L3MBTL4: variants seen among roughly 807,000 people sequenced by gnomAD.
L3MBTL4 encodes the protein lethal(3)malignant brain tumor-like protein 4.
L3MBTL4 carries 70 observed loss-of-function variants against 84.5 expected under a neutral mutation model. The ratio of observed to expected loss-of-function variants is 0.83; its 90% CI spans 0.68 to 1.01. The LOEUF is 1.01. Ranked by LOEUF, L3MBTL4 falls within the 50% of genes least tolerant of loss-of-function variation. The pLI is 0.00. For missense variants in L3MBTL4, 715 were observed against 754.8 expected, an observed-to-expected ratio of 0.95 and a Z score of 0.62; for synonymous variants, 274 against 259.8, an observed-to-expected ratio of 1.05 and a Z score of -0.52.
intron 1 of L3MBTL4, among the ~76,000 whole-genome samples, chr18:6,406,139 C>T (rs114977930): frequency 0.025 from 3,767 of 152,242 alleles, 161 homozygotes; most frequent in African/African-American, 0.085. Flanking sequence ...GCTATGAAAA[C>T]AAAGGTTGAC....
At chr18:6,029,056 A>G (rs940553359) in intron 16 of L3MBTL4, among the ~76,000 whole-genome samples, 1 of 152,226 alleles carries the variant, frequency 6.6e-6, no homozygotes, top group African/African-American at 2.4e-5. Context: ...AAGAAACCTA[A>G]AAAGTGAAAG....
Position 6,071,683 on chromosome 18 carries a change from G to GAGAA in L3MBTL4, c.1444+9194_1444+9197dup, listed in dbSNP as rs200360798. On this transcript the variant is annotated intron_variant, in intron 16 of 18. Coordinates refer to ENST00000317931, the MANE Select transcript of L3MBTL4 (RefSeq NM_001330559.2). ...AAAGAAAGAAGGAAAAAAAGAAAGA[G>GAGAA]AGAAAGAAAGAAAGAAAGAAAGAAA... Among the ~76,000 whole-genome samples, 139 of 102,232 alleles carry GAGAA rather than the reference G, an allele frequency of 1.4e-3. 1 individual carries two copies. Among genetic ancestry groups the GAGAA allele is most frequent in the African/African-American group, 2.5e-3 (42 of 16,612 alleles). 67.1% of individuals were successfully genotyped at this position (102,232 alleles called of 152,430 possible). A position where few individuals can be genotyped will look rare whatever the true frequency, so the allele number is the denominator to read the frequency against.
At chr18:6,193,558 C>A (rs1258286644) in intron 12 of L3MBTL4, among the ~76,000 whole-genome samples, 1 of 152,232 alleles carries the variant, frequency 6.6e-6, no homozygotes, top group Non-Finnish European at 1.5e-5. Context: ...TCCAGAGGCA[C>A]AAGGCAAAGC....
chr18:6,230,656 G>A (rs532951471), intron 10 of L3MBTL4, among the ~76,000 whole-genome samples: 1 of 152,252 alleles, frequency 6.6e-6, no homozygotes, highest in South Asian at 2.1e-4. Context: ...AGTTCTTTGA[G>A]AAATCACTAC....
chr18:6,045,881 T>C (rs1214190584), intron 16 of L3MBTL4, among the ~76,000 whole-genome samples: 1 of 152,166 alleles, frequency 6.6e-6, no homozygotes, highest in Non-Finnish European at 1.5e-5. Context: ...AAATCTCATA[T>C]ATCAACATTA....
chr18:6,184,013 T>C (rs191888696), intron 12 of L3MBTL4, among the ~76,000 whole-genome samples: 26 of 152,326 alleles, frequency 1.7e-4, no homozygotes, highest in Non-Finnish European at 1.3e-4. Flanking sequence ...TATGATATAG[T>C]GCCTGCACAA....
chr18:6,284,488 G>A (rs995330270), intron 4 of L3MBTL4, among the ~76,000 whole-genome samples: 5 of 152,214 alleles, frequency 3.3e-5, no homozygotes, highest in African/African-American at 1.2e-4. Flanking sequence ...CCGCAGCTCA[G>A]CTCAGCCGGG....
intron 16 of L3MBTL4, among the ~76,000 whole-genome samples, chr18:6,013,981 A>T (rs2054849273): frequency 6.6e-6 from 1 of 152,188 alleles, no homozygotes; most frequent in Admixed American, 6.5e-5. Context: ...CAGCCTGGGA[A>T]GTGGTCTGTG....
At chr18:6,073,203 G>A (rs529191398) in intron 16 of L3MBTL4, among the ~76,000 whole-genome samples, 5 of 150,340 alleles carry the variant, frequency 3.3e-5, no homozygotes, top group Admixed American at 2.7e-4. Context: ...GAGAGAAAAC[G>A]CACAAGCACA....
At chr18:6,119,844 GAGA>G (rs549589815) in intron 14 of L3MBTL4, among the ~76,000 whole-genome samples, 171 of 152,284 alleles carry the variant, frequency 1.1e-3, no homozygotes, top group African/African-American at 3.8e-3. Context: ...CTGGGAATAG[GAGA>G]AAGAGTATCA....
chr18:6,008,007 A>G (rs1322357869), intron 16 of L3MBTL4, among the ~76,000 whole-genome samples: 2 of 152,216 alleles, frequency 1.3e-5, no homozygotes, highest in Non-Finnish European at 2.9e-5. Flanking sequence ...TTCAAAAATC[A>G]AATTAAAAAG....
chr18:6,263,252 A>T (rs2048484858), intron 5 of L3MBTL4, among the ~76,000 whole-genome samples: 1 of 149,946 alleles, frequency 6.7e-6, no homozygotes, highest in Non-Finnish European at 1.5e-5. Context: ...CTGGCGATAG[A>T]GCCAGACTCC....
At chr18:6,227,997 T>C (rs1183892982) in intron 10 of L3MBTL4, among the ~76,000 whole-genome samples, 1 of 152,168 alleles carries the variant, frequency 6.6e-6, no homozygotes, top group Non-Finnish European at 1.5e-5. Context: ...TGACACATAA[T>C]AGTTGTACAC....
intron 16 of L3MBTL4, among the ~76,000 whole-genome samples, chr18:6,042,955 C>T (rs956071917): frequency 9.2e-5 from 14 of 152,144 alleles, no homozygotes; most frequent in African/African-American, 3.1e-4. Flanking sequence ...TATTCTCATC[C>T]CTTCTCCTGC....
At chr18:6,323,907 A>G (rs1290460796) in intron 1 of L3MBTL4, among the ~76,000 whole-genome samples, 1 of 151,482 alleles carries the variant, frequency 6.6e-6, no homozygotes, top group Admixed American at 6.6e-5. Flanking sequence ...TTTCAGAGAC[A>G]TTCCTGGCAG....
intron 12 of L3MBTL4, 131 bp downstream of exon 12, chr18:6,213,018 T>A: frequency 1.8e-6 from 1 of 570,858 alleles, no homozygotes; most frequent in East Asian, 3.0e-5. Context: ...TCCAGAACGC[T>A]TTTCCCCCCA....
intron 16 of L3MBTL4, among the ~76,000 whole-genome samples, chr18:6,043,476 C>G (rs140203148): frequency 6.6e-6 from 1 of 152,174 alleles, no homozygotes; most frequent in Non-Finnish European, 1.5e-5. Context: ...TGCTGCTCAT[C>G]CCTTATATAT....
chr18:6,376,112 G>T (rs963073335), intron 1 of L3MBTL4, among the ~76,000 whole-genome samples: 1 of 152,150 alleles, frequency 6.6e-6, no homozygotes, highest in East Asian at 1.9e-4. Flanking sequence ...GTCTCAGTCT[G>T]CTTTCTCCCT....
chr18:6,376,967 T>C (rs562365565), intron 1 of L3MBTL4, among the ~76,000 whole-genome samples: 1 of 152,266 alleles, frequency 6.6e-6, no homozygotes, highest in African/African-American at 2.4e-5. Flanking sequence ...TCTAAGGACA[T>C]TAGTAACGCT....
Sources: gnomAD v4.1 joint callset for allele counts (sites outside exome capture counted in the v4.1 genomes callset) on GRCh38, gnomAD v4.1.1 for gene constraint, MANE v1.5 for transcripts, NCBI Gene and HGNC (gene_info 2026-07-23, HGNC 2026-07-21) for gene names.